Variants in WDR72 observed in about 807,000 individuals in gnomAD.
WDR72 encodes WD repeat-containing protein 72.
A neutral mutation model predicts 124.2 loss-of-function variants in WDR72; 120 were observed. That is an observed-to-expected ratio of 0.97 (90% CI 0.83 to 1.12). WDR72 has a LOEUF of 1.12. WDR72 is among the 50% of genes most tolerant of loss of function. The pLI is 0.00. For missense variants in WDR72, 1,387 were observed against 1,278.8 expected (o/e 1.08, Z -1.29); for synonymous variants, 452 against 441.7 (o/e 1.02, Z -0.29).
chr15:53,568,183 A>C (rs191557380), intron 18 of WDR72, among the ~76,000 whole-genome samples: 2 of 151,586 alleles, frequency 1.3e-5, no homozygotes, highest in East Asian at 3.9e-4. Context: ...CAAATACAAA[A>C]TAATTTTTTA....
chr15:53,635,937 G>A (rs1298960141), intron 14 of WDR72, among the ~76,000 whole-genome samples: 1 of 152,042 alleles, frequency 6.6e-6, no homozygotes, highest in Non-Finnish European at 1.5e-5. Flanking sequence ...TAGAAACCAA[G>A]TACCCTTTAT....
chr15:53,604,693 G>C (rs1377944920), intron 17 of WDR72, among the ~76,000 whole-genome samples: 1 of 152,150 alleles, frequency 6.6e-6, no homozygotes, highest in Non-Finnish European at 1.5e-5. Flanking sequence ...TTCAAAGGAA[G>C]ACATATATGT....
intron 13 of WDR72, among the ~76,000 whole-genome samples, chr15:53,695,876 G>A (rs1485872676): frequency 1.3e-5 from 2 of 152,138 alleles, no homozygotes; most frequent in Admixed American, 6.5e-5. Flanking sequence ...TAAAGTATTC[G>A]TGAAAAACGC....
chr15:53,683,213 G>A (rs2016461921), intron 13 of WDR72, among the ~76,000 whole-genome samples: 1 of 152,098 alleles, frequency 6.6e-6, no homozygotes, highest in South Asian at 2.1e-4. Flanking sequence ...TGGGGACACA[G>A]AGCCAAACCC....
At chr15:53,634,643 T>G (rs1215408882) in intron 14 of WDR72, among the ~76,000 whole-genome samples, 1 of 152,192 alleles carries the variant, frequency 6.6e-6, no homozygotes, top group East Asian at 1.9e-4. Context: ...AAGGGGGCCC[T>G]AGCAGAACAG....
chr15:53,686,365 A>G (rs6493640), intron 13 of WDR72, among the ~76,000 whole-genome samples: 1,861 of 150,554 alleles, frequency 0.012, 44 homozygotes, highest in African/African-American at 0.043. Flanking sequence ...GATGGAGGAA[A>G]ATCTACCAAG....
At chr15:53,741,583 G>C (rs2018509977) in intron 1 of WDR72, among the ~76,000 whole-genome samples, 1 of 151,752 alleles carries the variant, frequency 6.6e-6, no homozygotes, top group Non-Finnish European at 1.5e-5. Context: ...AAAGCATATG[G>C]GCAAAAATAT....
At chr15:53,532,811 T>C (rs1892555432) in intron 18 of WDR72, among the ~76,000 whole-genome samples, 1 of 152,014 alleles carries the variant, frequency 6.6e-6, no homozygotes, top group Non-Finnish European at 1.5e-5. Context: ...AAATAATAAG[T>C]GGGTGAAGTG....
intron 1 of WDR72, among the ~76,000 whole-genome samples, chr15:53,735,309 G>A (rs926104389): frequency 1.3e-5 from 2 of 152,072 alleles, no homozygotes; most frequent in African/African-American, 4.8e-5. Context: ...ACCATGACAA[G>A]TATTAAGAAG....
chr15:53,599,632 G>A (rs931388876), intron 17 of WDR72, among the ~76,000 whole-genome samples: 7 of 151,932 alleles, frequency 4.6e-5, no homozygotes, highest in Non-Finnish European at 1.0e-4. Flanking sequence ...CCTCAGAATG[G>A]GTAGTTTGGC....
Position 53,747,349 on chromosome 15 carries a change from G to A in WDR72, c.-13+12284C>T, listed in dbSNP as rs186472017. 1.8e-4 allele frequency among the ~76,000 whole-genome samples: 27 copies of A among 152,174 alleles called. No homozygotes were observed. The South Asian group carries it at 2.3e-3, about 13-fold the overall frequency. ...CAACCCACTGGAACATGACTATTTC[G>A]GAATTAACCCCTAACCAACATCAAC... On this transcript the variant is annotated intron_variant, in intron 1 of 19. Coordinates refer to ENST00000360509, the MANE Select transcript of WDR72 (RefSeq NM_182758.4).
intron 18 of WDR72, among the ~76,000 whole-genome samples, chr15:53,541,377 G>A (rs1048167497): frequency 6.6e-6 from 1 of 151,950 alleles, no homozygotes; most frequent in African/African-American, 2.4e-5. Context: ...CCCCCAGCAG[G>A]GGCACACTGA....
upstream of WDR72, among the ~76,000 whole-genome samples, chr15:53,759,858 T>G (rs2019027112): frequency 7.1e-6 from 1 of 140,358 alleles, no homozygotes; most frequent in Non-Finnish European, 1.6e-5. Context: ...CCCTCCCTCC[T>G]TCTCTCACTT....
chr15:53,518,630 A>T (rs1891601620), intron 19 of WDR72, among the ~76,000 whole-genome samples: 1 of 151,880 alleles, frequency 6.6e-6, no homozygotes, highest in African/African-American at 2.4e-5. Context: ...GCCATGATTG[A>T]TCGGCTGCTC....
chr15:53,605,051 C>T (rs1197687113), intron 17 of WDR72, among the ~76,000 whole-genome samples: 2 of 152,118 alleles, frequency 1.3e-5, no homozygotes, highest in African/African-American at 2.4e-5. Context: ...ATGTTCATTG[C>T]AGATCTATTC....
At chr15:53,734,790 G>A (rs1258124254) in intron 1 of WDR72, among the ~76,000 whole-genome samples, 1 of 114,916 alleles carries the variant, frequency 8.7e-6, no homozygotes. Flanking sequence ...CAAGCCTGAA[G>A]TACAAATGGG....
At chr15:53,613,563 T>C (rs1481298182) in intron 16 of WDR72, 103 bp downstream of exon 16, 2 of 779,572 alleles carry the variant, frequency 2.6e-6, no homozygotes, top group Admixed American at 1.9e-5. Flanking sequence ...ATGTTTTATA[T>C]ATGTTATTTA....
At chr15:53,629,717 G>C (rs2014348123) in intron 14 of WDR72, among the ~76,000 whole-genome samples, 1 of 152,064 alleles carries the variant, frequency 6.6e-6, no homozygotes, top group African/African-American at 2.4e-5. Context: ...AAAACAGTGA[G>C]TGTCCTAGCA....
chr15:53,613,816 A>G (rs1478051676), intron 15 of WDR72, 59 bp from the exon 16 acceptor site: 1 of 1,247,912 alleles, frequency 8.0e-7, no homozygotes, highest in Non-Finnish European at 1.2e-6. Context: ...ATTTGAGGAA[A>G]TAAATCAAAG....
Sources: gnomAD v4.1 joint callset for allele counts (sites outside exome capture counted in the v4.1 genomes callset) on GRCh38, gnomAD v4.1.1 for gene constraint, MANE v1.5 for transcripts, NCBI Gene and HGNC (gene_info 2026-07-23, HGNC 2026-07-21) for gene names.